Variants in KCNIP1 observed in about 807,000 individuals in gnomAD.
KCNIP1 encodes potassium voltage-gated channel interacting protein 1.
A neutral mutation model predicts 33.0 loss-of-function variants in KCNIP1; 18 were observed. That is an observed-to-expected ratio of 0.55 (90% CI 0.38 to 0.81). The LOEUF is 0.81. KCNIP1 is among the 30% of genes least tolerant of loss of function. The probability of loss-of-function intolerance (pLI) is 0.00; values close to 1 mark genes in which losing one functional copy is unlikely to be tolerated. For synonymous variants in KCNIP1, 93 were observed against 98.3 expected (o/e 0.95, Z 0.32); for missense variants, 238 against 271.6 (o/e 0.88, Z 0.87).
At chr5:170,399,741 C>G (rs78811027) in intron 1 of KCNIP1, among the ~76,000 whole-genome samples, 13,424 of 152,202 alleles carry the variant, frequency 0.088, 707 homozygotes, top group Middle Eastern at 0.22. Flanking sequence ...ACTTCATGGC[C>G]CTATAATAGT....
chr5:170,692,450 T>C (rs1469811831), intron 1 of KCNIP1, among the ~76,000 whole-genome samples: 1 of 152,102 alleles, frequency 6.6e-6, no homozygotes, highest in Non-Finnish European at 1.5e-5. Flanking sequence ...ATAAAGAGGA[T>C]AAGGAAGGCA....
At chr5:170,690,539 G>A (rs766272013) in intron 1 of KCNIP1, among the ~76,000 whole-genome samples, 18 of 152,190 alleles carry the variant, frequency 1.2e-4, no homozygotes, top group Non-Finnish European at 2.4e-4. Context: ...GTGAGTGAAT[G>A]GATTAATGCA....
intron 1 of KCNIP1, among the ~76,000 whole-genome samples, chr5:170,596,901 C>T (rs1758458484): frequency 6.6e-6 from 1 of 152,234 alleles, no homozygotes; most frequent in Non-Finnish European, 1.5e-5. Flanking sequence ...AGCAAGGGAA[C>T]ATGAGTAGTG....
intron 1 of KCNIP1, among the ~76,000 whole-genome samples, chr5:170,568,794 G>T (rs1051804099): frequency 6.6e-6 from 1 of 151,732 alleles, no homozygotes; most frequent in Admixed American, 6.6e-5. Flanking sequence ...CTGCACTCCC[G>T]CCTGGTTGAC....
upstream of KCNIP1, among the ~76,000 whole-genome samples, chr5:170,502,167 G>T (rs183222868): frequency 7.2e-5 from 11 of 152,302 alleles, no homozygotes; most frequent in East Asian, 1.7e-3. Flanking sequence ...TAATGATCAG[G>T]CACCTGCTTA....
chr5:170,718,945 A>G, intron 2 of KCNIP1, 63 bp downstream of exon 2: 2 of 1,568,998 alleles, frequency 1.3e-6, no homozygotes, highest in East Asian at 4.6e-5. Context: ...CACTCTCCCC[A>G]ATGCCAAGGG....
intron 1 of KCNIP1, among the ~76,000 whole-genome samples, chr5:170,388,937 A>G (rs1350836950): frequency 2.0e-5 from 3 of 152,160 alleles, no homozygotes; most frequent in Non-Finnish European, 4.4e-5. Flanking sequence ...ACCCCTCTTG[A>G]TGAATCTATT....
chr5:170,383,335 A>G, intron 1 of KCNIP1: 4 of 567,662 alleles, frequency 7.0e-6, no homozygotes, highest in East Asian at 5.7e-5. Flanking sequence ...TTGAGTGCCC[A>G]CTATCCACTC....
chr5:170,459,929 G>C (rs1338804828), intron 1 of KCNIP1, among the ~76,000 whole-genome samples: 2 of 152,152 alleles, frequency 1.3e-5, no homozygotes. Flanking sequence ...AAATACGATT[G>C]ATAGACCATT....
intron 1 of KCNIP1, among the ~76,000 whole-genome samples, chr5:170,464,054 T>C (rs887479046): frequency 6.6e-6 from 1 of 151,912 alleles, no homozygotes; most frequent in Non-Finnish European, 1.5e-5. Flanking sequence ...TACAATAGCA[T>C]CAAGAAAATA....
chr5:170,558,044 G>GGGGT (rs1756901207), intron 1 of KCNIP1, among the ~76,000 whole-genome samples: 1 of 152,204 alleles, frequency 6.6e-6, no homozygotes, highest in Non-Finnish European at 1.5e-5. Context: ...TTAGGAGAGA[G>GGGGT]GACTTGACGG....
intron 1 of KCNIP1, among the ~76,000 whole-genome samples, chr5:170,458,609 A>T (rs193249466): frequency 1.3e-5 from 2 of 149,228 alleles, no homozygotes; most frequent in African/African-American, 4.9e-5. Flanking sequence ...AGCTTTATAA[A>T]TGAAGGAAAG....
intron 1 of KCNIP1, among the ~76,000 whole-genome samples, chr5:170,490,593 G>A (rs1757185702): frequency 6.6e-6 from 1 of 152,156 alleles, no homozygotes; most frequent in African/African-American, 2.4e-5. Flanking sequence ...TTACCACTGG[G>A]GGAAACTGGG....
At chr5:170,462,264 C>CAAAAAAAAAAAAAAAAAAAAAATAAAA (rs760686464) in intron 1 of KCNIP1, among the ~76,000 whole-genome samples, 1 of 52,034 alleles carries the variant, frequency 1.9e-5, no homozygotes. Context: ...AACAAATTAG[C>CAAAAAAAAAAAAAAAAAAAAAATAAAA]AAAAAAAAAA....
chr5:170,533,897 G>T (rs1156865035), intron 1 of KCNIP1, among the ~76,000 whole-genome samples: 1 of 152,132 alleles, frequency 6.6e-6, no homozygotes, highest in Non-Finnish European at 1.5e-5. Flanking sequence ...TGGTTCCAGT[G>T]GGCAGCGGGA....
At chr5:170,509,283 C>G (rs1561658577) in intron 1 of KCNIP1, among the ~76,000 whole-genome samples, 2 of 152,192 alleles carry the variant, frequency 1.3e-5, no homozygotes, top group Admixed American at 1.3e-4. Context: ...GTATGAGGAA[C>G]CCACACCCAG....
At chr5:170,689,947 C>G (rs898345490) in intron 1 of KCNIP1, among the ~76,000 whole-genome samples, 2 of 152,140 alleles carry the variant, frequency 1.3e-5, no homozygotes, top group African/African-American at 2.4e-5. Flanking sequence ...GTTTTCTGTT[C>G]TACTTAAAAC....
At position 170,504,300 on chromosome 5, in the gene KCNIP1, G is replaced by T. The variant is rs1475534101; in HGVS notation, c.-273G>T. 1.5e-6 allele frequency: 2 copies of T among 1,339,166 alleles called. No homozygotes were observed. The highest frequency in any genetic ancestry group is 3.2e-5 in the East Asian group (1 of 31,484). 83.0% of individuals were successfully genotyped at this position (1,339,166 alleles called of 1,614,324 possible). A position where few individuals can be genotyped will look rare whatever the true frequency, so the allele number is the denominator to read the frequency against. ...CAGGGCACCGTCCTCGGCCCTGGGC[G>T]AGGGAACCGCCGGGCCGGGTCCTCG... On this transcript the variant is annotated 5_prime_UTR_variant, in exon 1 of 8. Coordinates refer to ENST00000328939, the MANE Select transcript of KCNIP1 (RefSeq NM_014592.4). This position sits in a 1 kb window ranked among gnomAD's most constrained non-coding sequence, Gnocchi z 6.0.
intron 1 of KCNIP1, among the ~76,000 whole-genome samples, chr5:170,529,410 G>A (rs1755703862): frequency 2.0e-5 from 3 of 152,206 alleles, no homozygotes; most frequent in South Asian, 2.1e-4. Flanking sequence ...TTCTGGGGAC[G>A]GAGGAGTGTT....
Sources: gnomAD v4.1 joint callset for allele counts (sites outside exome capture counted in the v4.1 genomes callset) on GRCh38, gnomAD v4.1.1 for gene constraint, Gnocchi (gnomAD v3.1) non-coding constraint, MANE v1.5 for transcripts, NCBI Gene and HGNC (gene_info 2026-07-23, HGNC 2026-07-21) for gene names.